Variants in TTC6 observed in about 807,000 individuals in gnomAD.
The protein encoded by TTC6 is tetratricopeptide repeat domain 6.
A neutral mutation model predicts 210.4 loss-of-function variants in TTC6; 172 were observed. The observed-to-expected ratio is 0.82, with a 90% CI of 0.72 to 0.93. The LOEUF is 0.93. Among genes scored for constraint, TTC6 ranks in the 40% least tolerant of loss-of-function variants. The pLI is 0.00. For synonymous variants in TTC6, 804 were observed against 819.6 expected (o/e 0.98, Z 0.32); for missense variants, 2,414 against 2,318.1 (o/e 1.04, Z -0.85).
intron 1 of TTC6, among the ~76,000 whole-genome samples, chr14:37,635,457 A>G (rs2139360669): frequency 6.6e-6 from 1 of 152,384 alleles, no homozygotes; most frequent in Non-Finnish European, 1.5e-5. Flanking sequence ...ATCCTAAGAT[A>G]TCAGTAACTG....
intron 20 of TTC6, among the ~76,000 whole-genome samples, chr14:37,801,598 C>T (rs958014564): frequency 6.6e-6 from 1 of 152,114 alleles, no homozygotes; most frequent in Non-Finnish European, 1.5e-5. Context: ...GAGAGAGGTT[C>T]TCCTGCTGGC....
chr14:37,807,457 C>A (rs2096121076), exon 23 of TTC6: 1 of 1,491,624 alleles, frequency 6.7e-7, no homozygotes, highest in Non-Finnish European at 9.0e-7. Flanking sequence ...AATACTACAA[C>A]AAGGTAGGGC....
At chr14:37,747,014 T>TA (rs2095938098) in intron 10 of TTC6, among the ~76,000 whole-genome samples, 1 of 152,216 alleles carries the variant, frequency 6.6e-6, no homozygotes, top group Admixed American at 6.5e-5. Flanking sequence ...ACTTAATAGA[T>TA]ACTGCAACTA....
chr14:37,694,225 A>G (rs2095810079), intron 3 of TTC6, among the ~76,000 whole-genome samples: 1 of 152,204 alleles, frequency 6.6e-6, no homozygotes, highest in Non-Finnish European at 1.5e-5. Flanking sequence ...GGAATTAATA[A>G]CCAGGATATA....
chr14:37,737,398 G>C (rs1027331972), intron 8 of TTC6, among the ~76,000 whole-genome samples: 1 of 150,506 alleles, frequency 6.6e-6, no homozygotes, highest in Non-Finnish European at 1.5e-5. Flanking sequence ...TACATAGCAG[G>C]TACTTGGTGT....
At chr14:37,803,978 TATATACAG>T (rs146231931) in intron 20 of TTC6, among the ~76,000 whole-genome samples, 2,555 of 152,342 alleles carry the variant, frequency 0.017, 75 homozygotes, top group African/African-American at 0.057. Context: ...TTTGTCTTTC[TATATACAG>T]ATATACAGTG....
At chr14:37,659,675 C>T (rs569018436) in intron 1 of TTC6, among the ~76,000 whole-genome samples, 18 of 152,222 alleles carry the variant, frequency 1.2e-4, no homozygotes, top group African/African-American at 3.6e-4. Flanking sequence ...CACATGCTAC[C>T]ATGTCCAGCT....
intron 5 of TTC6, among the ~76,000 whole-genome samples, chr14:37,708,128 T>C (rs2095838829): frequency 6.6e-6 from 1 of 152,016 alleles, no homozygotes; most frequent in Admixed American, 6.6e-5. Context: ...GAAAATGACA[T>C]TATAGATGTT....
At chr14:37,784,145 G>A (rs2096062062) in intron 14 of TTC6, among the ~76,000 whole-genome samples, 1 of 152,152 alleles carries the variant, frequency 6.6e-6, no homozygotes, top group Admixed American at 6.5e-5. Context: ...TGTCTATTAG[G>A]TCTGCTTGGT....
intron 6 of TTC6, among the ~76,000 whole-genome samples, chr14:37,720,120 C>T (rs1351005525): frequency 3.9e-5 from 6 of 151,934 alleles, no homozygotes; most frequent in Non-Finnish European, 8.8e-5. Context: ...TAGGGAAATG[C>T]AAATTAAAAC....
intron 1 of TTC6, among the ~76,000 whole-genome samples, chr14:37,645,520 A>C (rs1230998916): frequency 6.6e-6 from 1 of 152,238 alleles, no homozygotes; most frequent in Non-Finnish European, 1.5e-5. Flanking sequence ...AGAATAATTT[A>C]GGACAGAGTG....
intron 1 of TTC6, among the ~76,000 whole-genome samples, chr14:37,602,973 C>T (rs763964514): frequency 6.6e-6 from 1 of 152,142 alleles, no homozygotes; most frequent in Non-Finnish European, 1.5e-5. Flanking sequence ...TCCCTACACC[C>T]CCGCCAAGAG....
At chr14:37,828,124 T>C (rs2139520301) in intron 29 of TTC6, among the ~76,000 whole-genome samples, 1 of 152,184 alleles carries the variant, frequency 6.6e-6, no homozygotes, top group East Asian at 1.9e-4. Flanking sequence ...TTAGTTCTGG[T>C]TTTGTGTGAC....
chr14:37,750,925 C>CTAA, intron 12 of TTC6, 128 bp from the exon 15 acceptor site: 1 of 505,258 alleles, frequency 2.0e-6, no homozygotes, highest in Non-Finnish European at 3.3e-6. Context: ...ATAAGATAAA[C>CTAA]TAATAAGAAA....
chr14:37,807,854 T>G (rs1173834745), intron 23 of TTC6, among the ~76,000 whole-genome samples: 1 of 152,112 alleles, frequency 6.6e-6, no homozygotes, highest in African/African-American at 2.4e-5. Context: ...AAATTTGGAC[T>G]ATGGTATTTA....
At chr14:37,782,513 T>C (rs900154414) in intron 14 of TTC6, among the ~76,000 whole-genome samples, 1 of 152,078 alleles carries the variant, frequency 6.6e-6, no homozygotes, top group Non-Finnish European at 1.5e-5. Context: ...CTTATCAGCT[T>C]AAGGAGATTT....
intron 1 of TTC6, among the ~76,000 whole-genome samples, chr14:37,637,449 C>T (rs1423085290): frequency 1.3e-5 from 2 of 152,094 alleles, no homozygotes; most frequent in African/African-American, 4.8e-5. Context: ...ATAAAGAACT[C>T]TCAAAACTCT....
intron 14 of TTC6, among the ~76,000 whole-genome samples, chr14:37,769,834 C>A (rs1016802971): frequency 6.6e-6 from 1 of 151,898 alleles, no homozygotes; most frequent in Non-Finnish European, 1.5e-5. Context: ...TTATTTCTTG[C>A]CTTCTGCTAG....
intron 15 of TTC6, among the ~76,000 whole-genome samples, chr14:37,788,749 A>G (rs986268513): frequency 6.6e-6 from 1 of 152,126 alleles, no homozygotes; most frequent in East Asian, 1.9e-4. Flanking sequence ...ATCAACACAA[A>G]CCTGTTATGT....
Sources: gnomAD v4.1 joint callset for allele counts (sites outside exome capture counted in the v4.1 genomes callset) on GRCh38, gnomAD v4.1.1 for gene constraint, MANE v1.5 for transcripts, NCBI Gene and HGNC (gene_info 2026-07-23, HGNC 2026-07-21) for gene names.